The following AGBL3 variants were observed in gnomAD, a reference collection of about 807,000 sequenced individuals.
AGBL3 encodes the protein AGBL carboxypeptidase 3.
Under a neutral mutation model 94.5 loss-of-function variants are expected in AGBL3, and 68 were observed. The observed-to-expected ratio is 0.72, with a 90% CI of 0.59 to 0.88. AGBL3 has a LOEUF of 0.88. Ranked by LOEUF, AGBL3 falls within the 40% of genes least tolerant of loss-of-function variation. AGBL3 has a pLI of 0.00. For synonymous variants in AGBL3, 354 were observed against 370.7 expected, an observed-to-expected ratio of 0.95 and a Z score of 0.52; for missense variants, 934 against 1,103.8, an observed-to-expected ratio of 0.85 and a Z score of 2.18.
Position 135,135,041 on chromosome 7 carries a change from AGAAT to A in AGBL3, c.2547_2550del (p.Asn849LysfsTer3), listed in dbSNP as rs1029883211. ...AAACATTCTCAAATCTGGGCCATAA[AGAAT>A]GAAGACATAAAACCTCTCAGCAGCA... On this transcript the variant is annotated frameshift_variant, in exon 17 of 17. Transcript: ENST00000436302. LOFTEE classifies it low-confidence loss of function (END_TRUNC). 6.4e-7 allele frequency: 1 copy of A among 1,551,280 alleles called. No homozygotes were observed. The highest frequency in any genetic ancestry group is 8.7e-7 in the Non-Finnish European group (1 of 1,146,682).
At chr7:135,081,856 C>G in intron 15 of AGBL3, 66 bp downstream of exon 15, 1 of 1,052,962 alleles carries the variant, frequency 9.5e-7, no homozygotes, top group Non-Finnish European at 1.4e-6. Flanking sequence ...ATTTTTCTCT[C>G]TAGCTCTAGA....
intron 4 of AGBL3, among the ~76,000 whole-genome samples, chr7:135,006,336 G>GT (rs917904901): frequency 6.6e-6 from 1 of 151,866 alleles, no homozygotes; most frequent in African/African-American, 2.4e-5. Context: ...AAAACTTAAG[G>GT]TTTTTTAATG....
At chr7:135,042,755 T>C (rs781422903) in intron 8 of AGBL3, among the ~76,000 whole-genome samples, 6 of 151,838 alleles carry the variant, frequency 4.0e-5, no homozygotes, top group Non-Finnish European at 7.4e-5. Context: ...GTGAAAAAAA[T>C]ACAAAAATAG....
chr7:135,134,971 A>T lies in AGBL3; in HGVS notation c.2473A>T (p.Arg825Trp), dbSNP rs1313921467. 1 of 1,551,240 alleles carries T rather than the reference A, an allele frequency of 6.4e-7. No homozygotes were observed. Among genetic ancestry groups the T allele is most frequent in the South Asian group, 1.2e-5 (1 of 84,038 alleles). ...SSEWVQSKPH[R>W]SLESLSPLKG... Reference sequence around the variant, plus strand: ...AGAATGGGTCCAGTCTAAGCCCCACAGGTCATTGGAAAGTTTATCACCTCT... The same window carrying T: ...AGAATGGGTCCAGTCTAAGCCCCACTGGTCATTGGAAAGTTTATCACCTCT... The change falls in exon 17 of 17, where the codon AGG becomes TGG. Residue 825 changes from arginine (R) to tryptophan (W), a missense_variant. Arg to Trp is a moderately radical substitution (Grantham distance 101). Around this residue, in one of 3 missense-constraint regions of AGBL3, gnomAD observed 441 missense variants for 518.2 expected, o/e 0.85. Transcript: ENST00000436302.
chr7:135,085,293 G>T (rs1821247929), intron 15 of AGBL3, among the ~76,000 whole-genome samples: 2 of 152,044 alleles, frequency 1.3e-5, no homozygotes, highest in Non-Finnish European at 2.9e-5. Flanking sequence ...CCATTCTGCA[G>T]GTTATCTCTT....
intron 5 of AGBL3, among the ~76,000 whole-genome samples, chr7:135,032,531 G>A (rs892080549): frequency 9.3e-5 from 14 of 150,728 alleles, no homozygotes; most frequent in Admixed American, 2.0e-4. Flanking sequence ...TGCCCAGGGT[G>A]GTCTCGAACT....
intron 8 of AGBL3, among the ~76,000 whole-genome samples, chr7:135,041,255 A>T (rs1816830269): frequency 6.6e-6 from 1 of 152,204 alleles, no homozygotes; most frequent in Non-Finnish European, 1.5e-5. Context: ...TTGTTTATAG[A>T]TATAAACAGG....
intron 11 of AGBL3, among the ~76,000 whole-genome samples, chr7:135,056,867 T>G (rs752018870): frequency 2.0e-4 from 31 of 152,256 alleles, no homozygotes; most frequent in Middle Eastern, 3.4e-3. Context: ...AGTTATTTTG[T>G]GGCTATAGAC....
At chr7:135,013,181 G>T (rs563177156) in intron 4 of AGBL3, among the ~76,000 whole-genome samples, 1 of 152,078 alleles carries the variant, frequency 6.6e-6, no homozygotes, top group East Asian at 1.9e-4. Context: ...TTTCAACATG[G>T]GAAATGAAAA....
chr7:135,130,344 T>C (rs1828559317), intron 16 of AGBL3, among the ~76,000 whole-genome samples: 1 of 152,194 alleles, frequency 6.6e-6, no homozygotes, highest in Non-Finnish European at 1.5e-5. Flanking sequence ...ACTTGATATT[T>C]ATTAATGGTG....
chr7:135,052,001 A>AT (rs11463450), intron 11 of AGBL3, among the ~76,000 whole-genome samples: 152,165 of 152,206 alleles, frequency 1, 76,062 homozygotes, highest in Middle Eastern at 1. Context: ...ACTTCCATTA[A>AT]TTTTTTGTTT....
intron 11 of AGBL3, among the ~76,000 whole-genome samples, chr7:135,049,714 A>G (rs1817701042): frequency 6.6e-6 from 1 of 151,902 alleles, no homozygotes; most frequent in African/African-American, 2.4e-5. Flanking sequence ...CACTGTTCAT[A>G]ACAGTCTCTT....
At chr7:135,097,782 A>G (rs1563261899) in intron 15 of AGBL3, among the ~76,000 whole-genome samples, 1 of 152,178 alleles carries the variant, frequency 6.6e-6, no homozygotes, top group Admixed American at 6.5e-5. Flanking sequence ...TATTATATGT[A>G]GGTTGTGACA....
intron 12 of AGBL3, among the ~76,000 whole-genome samples, chr7:135,067,480 G>A (rs1180238682): frequency 6.6e-6 from 1 of 152,180 alleles, no homozygotes; most frequent in African/African-American, 2.4e-5. Flanking sequence ...CTAATTGGGA[G>A]GCACCCCCCA....
chr7:135,073,817 C>T (rs371836856), intron 12 of AGBL3, among the ~76,000 whole-genome samples: 20,800 of 151,964 alleles, frequency 0.14, 1,977 homozygotes, highest in South Asian at 0.31. Context: ...TGCAAATAAG[C>T]GATTAGGTCA....
At chr7:135,055,931 T>C (rs1295779509) in intron 11 of AGBL3, among the ~76,000 whole-genome samples, 2 of 152,116 alleles carry the variant, frequency 1.3e-5, no homozygotes, top group Non-Finnish European at 2.9e-5. Flanking sequence ...ATTTCTTTAA[T>C]TGATATATAG....
intron 11 of AGBL3, 45 bp downstream of exon 11, chr7:135,045,956 A>C: frequency 8.1e-7 from 1 of 1,230,900 alleles, no homozygotes; most frequent in Non-Finnish European, 1.1e-6. Flanking sequence ...GTGCTGTTTT[A>C]CTATGTTCTT....
intron 8 of AGBL3, among the ~76,000 whole-genome samples, chr7:135,040,335 C>G (rs548040121): frequency 1.1e-4 from 17 of 152,196 alleles, no homozygotes; most frequent in African/African-American, 3.9e-4. Context: ...AAACTACAGA[C>G]TAATATCCCT....
intron 3 of AGBL3, among the ~76,000 whole-genome samples, chr7:134,992,830 T>C (rs11983164): frequency 0.12 from 18,329 of 151,796 alleles, 1,244 homozygotes; most frequent in East Asian, 0.19. Context: ...ATTTCAGAGG[T>C]GAAAGAGCAA....
Sources: allele counts gnomAD v4.1 joint callset (sites outside exome capture counted in the v4.1 genomes callset), GRCh38; gene constraint gnomAD v4.1.1; regional missense constraint gnomAD v4.1.1; transcripts MANE v1.5; gene names NCBI Gene and HGNC (gene_info 2026-07-23, HGNC 2026-07-21).